UST: variants seen among roughly 807,000 people sequenced by gnomAD.
UST encodes chondroitin sulfate 2-O-sulfotransferase.
In UST, 21 loss-of-function variants were observed where a neutral mutation model predicts 45.6. That is an observed-to-expected ratio of 0.46 (90% CI 0.33 to 0.66). The LOEUF is 0.66. Ranked by LOEUF, UST falls within the 30% of genes least tolerant of loss-of-function variation. UST has a pLI of 0.02. For missense variants in UST, 463 were observed against 512.4 expected (o/e 0.90, Z 0.93); for synonymous variants, 215 against 200.6 (o/e 1.07, Z -0.61).
intron 5 of UST, chr6:149,005,301 A>G (rs970006335): frequency 1.1e-5 from 11 of 985,300 alleles, no homozygotes; most frequent in Non-Finnish European, 1.3e-5. Flanking sequence ...TTCTGGGTCC[A>G]GGATCAGCCA....
intron 2 of UST, among the ~76,000 whole-genome samples, chr6:148,930,859 A>C (rs962005102): frequency 6.6e-6 from 1 of 152,256 alleles, no homozygotes; most frequent in Non-Finnish European, 1.5e-5. Context: ...ATTTGAATCT[A>C]AGAATAAGTT....
chr6:149,038,340 G>T (rs1202728254), intron 7 of UST, among the ~76,000 whole-genome samples: 1 of 149,260 alleles, frequency 6.7e-6, no homozygotes, highest in African/African-American at 2.5e-5. Flanking sequence ...GGTCATACTA[G>T]ATTAGGGTGG....
In UST at chr6:148,825,273, A is replaced by C. The variant is rs1582835231; in HGVS notation, c.248-61713A>C. ...CAGCACATTCTGTTATTTCGGTTGG[A>C]GGCTGAAGTTATTTTGCTGGGCAGG... On this transcript the variant is annotated intron_variant, in intron 1 of 7. Coordinates refer to ENST00000367463, the MANE Select transcript of UST (RefSeq NM_005715.3). Among the ~76,000 whole-genome samples, 3 of 152,238 alleles carry C rather than the reference A, an allele frequency of 2.0e-5. No homozygotes were observed. The East Asian group carries it at 5.8e-4, about 29-fold the overall frequency.
chr6:148,840,255 T>G (rs1777864328), intron 1 of UST, among the ~76,000 whole-genome samples: 1 of 152,188 alleles, frequency 6.6e-6, no homozygotes, highest in Non-Finnish European at 1.5e-5. Flanking sequence ...ATGCTGCTTC[T>G]GGTGCTCATG....
At chr6:148,956,388 G>C (rs527331846) in intron 4 of UST, among the ~76,000 whole-genome samples, 1 of 149,000 alleles carries the variant, frequency 6.7e-6, no homozygotes, top group Non-Finnish European at 1.5e-5. Flanking sequence ...CAAGAGAAAT[G>C]AGGAAGATGC....
chr6:148,755,065 G>A (rs1435927034), intron 1 of UST, among the ~76,000 whole-genome samples: 2 of 152,166 alleles, frequency 1.3e-5, no homozygotes. Flanking sequence ...GCTAATTTTT[G>A]AACAGCAGAT....
intron 7 of UST, among the ~76,000 whole-genome samples, chr6:149,021,772 G>T (rs1775984549): frequency 6.6e-6 from 1 of 152,186 alleles, no homozygotes; most frequent in South Asian, 2.1e-4. Context: ...TGAGCATGTT[G>T]CTGGAAACTG....
At chr6:148,965,462 G>A (rs1464844513) in intron 5 of UST, among the ~76,000 whole-genome samples, 1 of 152,186 alleles carries the variant, frequency 6.6e-6, no homozygotes, top group East Asian at 1.9e-4. Flanking sequence ...AGTCAGAGGT[G>A]TTGTTCCCAA....
At chr6:148,826,920 C>T (rs1260099273) in intron 1 of UST, among the ~76,000 whole-genome samples, 2 of 152,166 alleles carry the variant, frequency 1.3e-5, no homozygotes, top group Non-Finnish European at 2.9e-5. Flanking sequence ...CAGTCCCTGA[C>T]TTTCTGTTCT....
chr6:148,987,161 C>T (rs1231668917), intron 5 of UST, among the ~76,000 whole-genome samples: 1 of 152,216 alleles, frequency 6.6e-6, no homozygotes, highest in African/African-American at 2.4e-5. Context: ...TGCCCACTCC[C>T]ACCCACAAAC....
chr6:148,865,819 G>T (rs536537780), intron 1 of UST, among the ~76,000 whole-genome samples: 3 of 151,712 alleles, frequency 2.0e-5, no homozygotes, highest in African/African-American at 7.3e-5. Flanking sequence ...TGGAAAGATG[G>T]GATAAAAACA....
At chr6:148,776,102 T>C (rs976759022) in intron 1 of UST, among the ~76,000 whole-genome samples, 9 of 152,220 alleles carry the variant, frequency 5.9e-5, no homozygotes, top group African/African-American at 2.2e-4. Context: ...TGTCCTTATT[T>C]ATTTTGGCTG....
chr6:148,789,453 TCACA>T (rs58763326), intron 1 of UST, among the ~76,000 whole-genome samples: 22,529 of 134,008 alleles, frequency 0.17, 1,856 homozygotes, highest in East Asian at 0.45. Flanking sequence ...TCTCTCTCTC[TCACA>T]CACACACACA....
intron 1 of UST, among the ~76,000 whole-genome samples, chr6:148,861,918 C>T (rs2114801420): frequency 6.9e-6 from 1 of 145,954 alleles, no homozygotes; most frequent in South Asian, 2.3e-4. Context: ...TTACTTCCAA[C>T]TATGTGGTCA....
chr6:148,748,261 A>G lies in UST; in HGVS notation c.247+584A>G, dbSNP rs1035779208. Among the ~76,000 whole-genome samples the G allele has an allele frequency of 1.2e-4, 19 of 152,010 alleles. No individual in the cohort carries two copies. Among genetic ancestry groups the G allele is most frequent in the African/African-American group, 4.1e-4 (17 of 41,396 alleles). On this transcript the variant is annotated intron_variant, in intron 1 of 7. Transcript: ENST00000367463. This position sits in a 1 kb window ranked among gnomAD's most constrained non-coding sequence, Gnocchi z 5.3. Reference sequence around the variant, plus strand: ...TGCCGCTGCCCACCCCGCCGCCCGCAGCTAGCCTGGCGCGGGGAACGGGTT... The same window carrying G: ...TGCCGCTGCCCACCCCGCCGCCCGCGGCTAGCCTGGCGCGGGGAACGGGTT...
intron 1 of UST, among the ~76,000 whole-genome samples, chr6:148,753,995 AT>A (rs1276566371): frequency 0.02 from 2,785 of 137,720 alleles, 37 homozygotes; most frequent in Non-Finnish European, 0.026. Flanking sequence ...CATTTTGCTG[AT>A]TTTTTTTTTT....
At chr6:148,803,459 C>T (rs959131) in intron 1 of UST, among the ~76,000 whole-genome samples, 122,475 of 152,108 alleles carry the variant, frequency 0.81, 49,798 homozygotes, top group East Asian at 1. Flanking sequence ...ACTTCTTAAA[C>T]ACCTCTTAAG....
At chr6:148,984,100 A>G (rs1781191789) in intron 5 of UST, among the ~76,000 whole-genome samples, 1 of 152,228 alleles carries the variant, frequency 6.6e-6, no homozygotes, top group African/African-American at 2.4e-5. Context: ...TATTATATAC[A>G]TCATGTGCAT....
intron 1 of UST, among the ~76,000 whole-genome samples, chr6:148,871,119 TC>T (rs1290523590): frequency 5.6e-5 from 8 of 143,878 alleles, no homozygotes; most frequent in African/African-American, 1.9e-4. Flanking sequence ...ATTCTCTCCC[TC>T]TCTCTCTCTC....
Sources: allele counts gnomAD v4.1 joint callset (sites outside exome capture counted in the v4.1 genomes callset), GRCh38; gene constraint gnomAD v4.1.1; non-coding constraint Gnocchi (gnomAD v3.1); transcripts MANE v1.5; gene names NCBI Gene and HGNC (gene_info 2026-07-23, HGNC 2026-07-21).